The following TOP3A variants were observed in gnomAD, a reference collection of about 807,000 sequenced individuals.
The protein encoded by TOP3A is DNA topoisomerase 3-alpha.
In TOP3A, 64 loss-of-function variants were observed where a neutral mutation model predicts 111.3. That is an observed-to-expected ratio of 0.57 (90% confidence interval 0.47 to 0.71). TOP3A has a LOEUF of 0.71. TOP3A is among the 30% of genes least tolerant of loss of function. The pLI is 0.00. For synonymous variants in TOP3A, 484 were observed against 485.1 expected, an observed-to-expected ratio of 1.00 and a Z score of 0.03; for missense variants, 1,104 against 1,285.0, an observed-to-expected ratio of 0.86 and a Z score of 2.15.
At position 18,273,009 on chromosome 17, in the gene TOP3A, A is replaced by G. The variant is rs960744463; in HGVS notation, c.*1793T>C. 1 of 152,142 alleles carries G rather than the reference A, an allele frequency of 6.6e-6. No individual in the cohort carries two copies. The highest frequency in any genetic ancestry group is 1.5e-5 in the Non-Finnish European group (1 of 68,022). The allele number at this position is 152,142 out of a possible 1,614,324, so 9.4% of individuals were successfully genotyped here. ...AGAGTAGGTAAACCCACAGAGACAA[A>G]AAGTGGTTGGTGGTACCCCGGAGCT... On this transcript the variant is annotated 3_prime_UTR_variant, in exon 19 of 19. Transcript: ENST00000321105.
In TOP3A at chr17:18,273,019, G is replaced by A. The variant is rs1979092424; in HGVS notation, c.*1783C>T. The A allele has an allele frequency of 6.6e-6, 1 of 152,146 alleles. No individual in the cohort carries two copies. Among genetic ancestry groups the A allele is most frequent in the East Asian group, 1.9e-4 (1 of 5,162 alleles). The allele number at this position is 152,146 out of a possible 1,614,324, so 9.4% of individuals were successfully genotyped here. Reference sequence around the variant, plus strand: ...AACCCACAGAGACAAAAAGTGGTTGGTGGTACCCCGGAGCTGGGATAGGCA... The same window carrying A: ...AACCCACAGAGACAAAAAGTGGTTGATGGTACCCCGGAGCTGGGATAGGCA... On this transcript the variant is annotated 3_prime_UTR_variant, in exon 19 of 19. Coordinates refer to ENST00000321105, the MANE Select transcript of TOP3A (RefSeq NM_004618.5).
chr17:18,303,053 T>C (rs533228174), intron 5 of TOP3A: 23 of 221,928 alleles, frequency 1.0e-4, no homozygotes, highest in South Asian at 4.6e-4. Flanking sequence ...CTAAGAAAAA[T>C]TGTTCTGCTT....
At chr17:18,305,484 A>ACGCGCGCGCG (rs780995241) in intron 4 of TOP3A, among the ~76,000 whole-genome samples, 5 of 147,880 alleles carry the variant, frequency 3.4e-5, no homozygotes, top group Non-Finnish European at 7.5e-5. Flanking sequence ...TAACACACAC[A>ACGCGCGCGCG]CACGCGCGCG....
rs1980026919 is a variant in TOP3A, at chr17:18,285,399, T to A, written c.1711+8A>T. 1 of 1,613,790 alleles carries A rather than the reference T, an allele frequency of 6.2e-7. No individual in the cohort carries two copies. Among genetic ancestry groups the A allele is most frequent in the Non-Finnish European group, 8.5e-7 (1 of 1,179,968 alleles). ...CCACTACCCACTGCAAGCTCTGTCC[T>A]CCCTTACCTTCCACAAGTCCCATGC... On this transcript the variant is annotated splice_region_variant and intron_variant, in intron 14 of 18. Transcript: ENST00000321105.
intron 1 of TOP3A, among the ~76,000 whole-genome samples, chr17:18,309,242 G>GTGGAGAAATTGGACAT (rs1181552451): frequency 6.6e-6 from 1 of 152,236 alleles, no homozygotes; most frequent in Non-Finnish European, 1.5e-5. Context: ...TGTTGAGGAT[G>GTGGAGAAATTGGACAT]TGGAGAAATT....
At position 18,302,629 on chromosome 17, in the gene TOP3A, C is replaced by G; in HGVS notation, c.594G>C (p.Gln198His). 1 of 1,614,226 alleles carries G rather than the reference C, an allele frequency of 6.2e-7. No individual in the cohort carries two copies. Among genetic ancestry groups the G allele is most frequent in the Admixed American group, 1.7e-5 (1 of 60,018 alleles). ...TCACATCCACAGCATCGCTCACCCT[C>G]TGATCAGGCTCGGTCAGGTTTTCAC... ...TACENLTEPDQRVSDAVDVRQ... is the reference protein window; with the variant it reads ...TACENLTEPDHRVSDAVDVRQ... Residue 198 changes from glutamine to histidine, a missense_variant, in exon 6 of 19, where the codon CAG becomes CAC. Transcript: ENST00000321105.
At chr17:18,308,849 ATTGAAATATTT>A in intron 2 of TOP3A, 22 bp downstream of exon 2, 1 of 1,401,366 alleles carries the variant, frequency 7.1e-7, no homozygotes, top group Non-Finnish European at 9.8e-7. Flanking sequence ...CTTGCTTATG[ATTGAAATATTT>A]TAGAAATATT....
chr17:18,299,572 G>T lies in TOP3A; in HGVS notation c.977C>A (p.Ala326Asp). 1 of 1,613,996 alleles carries T rather than the reference G, an allele frequency of 6.2e-7. No homozygotes were observed. Among genetic ancestry groups the T allele is most frequent in the Non-Finnish European group, 8.5e-7 (1 of 1,179,914 alleles). The change falls in exon 9 of 19, where the codon GCC becomes GAC. Residue 326 changes from alanine (A) to aspartate (D), a missense_variant. Ala to Asp is a moderately radical substitution (Grantham distance 126, BLOSUM62 -2). Transcript: ENST00000321105. ...TCTGGAACATACCACAGTGTCCAAGGCTTGAGGCCGCCACTTGCTCTTGGG... is the reference window on the plus strand; with the variant it reads ...TCTGGAACATACCACAGTGTCCAAGTCTTGAGGCCGCCACTTGCTCTTGGG... Reference protein sequence around the residue: ...SKPKSKWRPQALDTVELEKLA... With the variant: ...SKPKSKWRPQDLDTVELEKLA...
Position 18,309,566 on chromosome 17 carries a change from C to T in TOP3A, c.181-625G>A, listed in dbSNP as rs994680689. On this transcript the variant is annotated intron_variant, in intron 1 of 18. Transcript: ENST00000321105. ...GGCTGAGGCAGGAGAATCACTTGAGCCCAGGAGGTGGACGTTGCAGTGAGT... is the reference window on the plus strand; with the variant it reads ...GGCTGAGGCAGGAGAATCACTTGAGTCCAGGAGGTGGACGTTGCAGTGAGT... Among the ~76,000 whole-genome samples the T allele has an allele frequency of 3.3e-5, 5 of 151,820 alleles. No homozygotes were observed. In the South Asian group the frequency reaches 1.0e-3, roughly 32 times the overall value.
chr17:18,301,844 G>T, intron 8 of TOP3A, 41 bp downstream of exon 8: 1 of 1,528,774 alleles, frequency 6.5e-7, no homozygotes, highest in Non-Finnish European at 9.1e-7. Context: ...AGTGGTTTGG[G>T]AGGTGTGCAG....
intron 13 of TOP3A, among the ~76,000 whole-genome samples, chr17:18,286,264 GA>G (rs1477081736): frequency 6.6e-6 from 1 of 151,488 alleles, no homozygotes; most frequent in East Asian, 1.9e-4. Context: ...AGCAATTTGG[GA>G]AGCCGAAGCG....
rs780521684 is a variant in TOP3A, at chr17:18,280,652, G to T, written c.2028C>A (p.Tyr676Ter). 1 of 1,614,052 alleles carries T rather than the reference G, an allele frequency of 6.2e-7. No homozygotes were observed. Among genetic ancestry groups the T allele is most frequent in the South Asian group, 1.1e-5 (1 of 91,080 alleles). Reference sequence around the variant, plus strand: ...ACTCTGGGAAACCCATGCAGCTGAGGTAGAACCTGGGGACAAAGTGCCATG... The same window carrying T: ...ACTCTGGGAAACCCATGCAGCTGAGTTAGAACCTGGGGACAAAGTGCCATG... ...VLKTKKNGGF[Y>*]LSCMGFPECR... Residue 676 changes from tyrosine to a stop codon, truncating the protein, a stop_gained, in exon 17 of 19, where the codon TAC (tyrosine) becomes TAA (stop). Coordinates refer to ENST00000321105, the MANE Select transcript of TOP3A (RefSeq NM_004618.5). LOFTEE classifies it high-confidence loss of function.
At chr17:18,313,289 C>A in intron 1 of TOP3A, 1 of 156,252 alleles carries the variant, frequency 6.4e-6, no homozygotes, top group East Asian at 1.9e-4. Context: ...GCTGTTGGCA[C>A]TGCTGCGAAC....
At chr17:18,275,276 A>G (rs1979268095) in intron 18 of TOP3A, among the ~76,000 whole-genome samples, 1 of 141,822 alleles carries the variant, frequency 7.1e-6, no homozygotes. Flanking sequence ...CCTGGGCAAC[A>G]GAGCAAGACC....
chr17:18,275,293 CAAAAAAAAAAAA>C (rs538677203), intron 18 of TOP3A, among the ~76,000 whole-genome samples: 5 of 60,738 alleles, frequency 8.2e-5, no homozygotes, highest in Non-Finnish European at 1.2e-4. Flanking sequence ...GACCCTGTCT[CAAAAAAAAAAAA>C]AAAAAAAAAA....
chr17:18,299,168 G>A (rs939051145), intron 9 of TOP3A, among the ~76,000 whole-genome samples: 4 of 152,158 alleles, frequency 2.6e-5, no homozygotes, highest in African/African-American at 9.7e-5. Context: ...GCTTATGCCT[G>A]TAATCCCAGT....
At chr17:18,285,583 T>C in intron 13 of TOP3A, 63 bp from the exon 14 acceptor site, 3 of 1,420,592 alleles carry the variant, frequency 2.1e-6, no homozygotes, top group Non-Finnish European at 2.9e-6. Context: ...GGGTGGCGCA[T>C]GGGCACCTTG....
chr17:18,294,456 A>C (rs537381870), intron 10 of TOP3A, among the ~76,000 whole-genome samples: 1 of 151,796 alleles, frequency 6.6e-6, no homozygotes, highest in South Asian at 2.1e-4. Context: ...CAGCCTCCCC[A>C]GTAGCTGGGA....
At chr17:18,305,557 G>A (rs1296449743) in intron 4 of TOP3A, among the ~76,000 whole-genome samples, 1 of 152,048 alleles carries the variant, frequency 6.6e-6, no homozygotes, top group South Asian at 2.1e-4. Context: ...AAACGAAGCC[G>A]GCTGGGCGTG....
Sources: allele counts gnomAD v4.1 joint callset (sites outside exome capture counted in the v4.1 genomes callset), GRCh38; gene constraint gnomAD v4.1.1; transcripts MANE v1.5; gene names NCBI Gene and HGNC (gene_info 2026-07-23, HGNC 2026-07-21).